Variants in FRY observed in about 807,000 individuals in gnomAD.
FRY encodes protein furry homolog.
A neutral mutation model predicts 348.4 loss-of-function variants in FRY; 128 were observed. That is an observed-to-expected ratio of 0.37 (90% confidence interval 0.32 to 0.43). The LOEUF (loss-of-function observed/expected upper bound fraction) is 0.43, where lower values mean the gene tolerates loss of function less well. Among genes scored for constraint, FRY ranks in the 20% least tolerant of loss-of-function variants. The probability of loss-of-function intolerance (pLI) is 1.00; values close to 1 mark genes in which losing one functional copy is unlikely to be tolerated. For missense variants in FRY, 2,736 were observed against 3,695.2 expected, an observed-to-expected ratio of 0.74 and a Z score of 6.73; for synonymous variants, 1,370 against 1,374.7, an observed-to-expected ratio of 1.00 and a Z score of 0.08.
intron 55 of FRY, among the ~76,000 whole-genome samples, chr13:32,274,362 A>G (rs994758482): frequency 6.6e-6 from 1 of 152,182 alleles, no homozygotes; most frequent in Non-Finnish European, 1.5e-5. Context: ...GCATACACAT[A>G]TTTTAAAACA....
At chr13:32,189,761 A>G (rs1418055022) in intron 28 of FRY, among the ~76,000 whole-genome samples, 1 of 152,106 alleles carries the variant, frequency 6.6e-6, no homozygotes, top group East Asian at 1.9e-4. Flanking sequence ...GAGAAAACAG[A>G]TGAAGAGGAA....
At chr13:32,097,585 T>G (rs1181105314) in intron 2 of FRY, among the ~76,000 whole-genome samples, 1 of 152,004 alleles carries the variant, frequency 6.6e-6, no homozygotes, top group East Asian at 1.9e-4. Flanking sequence ...GGTCTCGAAT[T>G]CCCAACATCA....
intron 47 of FRY, 135 bp downstream of exon 47, chr13:32,244,317 A>G: frequency 1.2e-6 from 1 of 819,430 alleles, no homozygotes; most frequent in South Asian, 1.4e-5. Context: ...CAGCCAGGGC[A>G]GTTAAGAGTG....
At chr13:32,102,377 A>G (rs1877224169) in intron 3 of FRY, among the ~76,000 whole-genome samples, 1 of 152,256 alleles carries the variant, frequency 6.6e-6, no homozygotes, top group African/African-American at 2.4e-5. Context: ...TGTGATGATC[A>G]GATCTCTGCA....
At position 32,239,295 on chromosome 13, in the gene FRY, G is replaced by GCCC; in HGVS notation, c.6463_6464insCCC (p.Gln2154_His2155insPro). 3.1e-6 allele frequency: 5 copies of GCCC among 1,612,262 alleles called. No individual in the cohort carries two copies. Among genetic ancestry groups the GCCC allele is most frequent in the Non-Finnish European group, 4.2e-6 (5 of 1,178,364 alleles). On this transcript the variant is annotated inframe_insertion, in exon 45 of 61. Coordinates refer to ENST00000542859, the MANE Select transcript of FRY (RefSeq NM_023037.3). The surrounding 1 kb of genome is among the most constrained non-coding windows in gnomAD (Gnocchi z 4.3). ...TGTGTCTCCTGCCTCAGCTGATTCA[G>GCCC]CATTTTGAAAATCCCAATCAGTTCT... is the stretch of plus-strand genomic sequence containing the variant.
chr13:32,035,899 G>A (rs1282361947), intron 1 of FRY, among the ~76,000 whole-genome samples: 1 of 152,194 alleles, frequency 6.6e-6, no homozygotes, highest in East Asian at 1.9e-4. Context: ...TCACTTAGGA[G>A]CATCAGATTC....
At chr13:32,197,692 TGGA>T (rs1241887294) in intron 29 of FRY, among the ~76,000 whole-genome samples, 1 of 152,258 alleles carries the variant, frequency 6.6e-6, no homozygotes, top group Non-Finnish European at 1.5e-5. Flanking sequence ...CAATAGTTGT[TGGA>T]GGAGAACAGC....
At chr13:32,235,402 T>C (rs1438320728) in intron 42 of FRY, among the ~76,000 whole-genome samples, 1 of 152,192 alleles carries the variant, frequency 6.6e-6, no homozygotes, top group Non-Finnish European at 1.5e-5. Flanking sequence ...GGCGGGCAGA[T>C]CACTTGAGGC....
chr13:32,197,570 C>T (rs1219184822), intron 29 of FRY, among the ~76,000 whole-genome samples: 4 of 152,150 alleles, frequency 2.6e-5, no homozygotes, highest in Non-Finnish European at 5.9e-5. Flanking sequence ...ACTGCAGTTG[C>T]CTACCCACTA....
At chr13:32,236,508 A>G (rs1052665803) in intron 43 of FRY, among the ~76,000 whole-genome samples, 1 of 152,152 alleles carries the variant, frequency 6.6e-6, no homozygotes, top group African/African-American at 2.4e-5. Flanking sequence ...TATTTATTAC[A>G]TTGGTAAAGA....
chr13:32,294,314 G>T, intron 59 of FRY, 54 bp from the exon 60 acceptor site: 2 of 1,280,384 alleles, frequency 1.6e-6, no homozygotes, highest in Admixed American at 1.8e-5. Context: ...CTTTTGGGAT[G>T]TAAAATTCCC....
At chr13:32,104,326 A>G (rs1877391190) in intron 3 of FRY, among the ~76,000 whole-genome samples, 1 of 152,206 alleles carries the variant, frequency 6.6e-6, no homozygotes, top group African/African-American at 2.4e-5. Context: ...AGTGTTGTCC[A>G]TGGATCTGTG....
chr13:32,228,992 G>A (rs1370514989), intron 40 of FRY, among the ~76,000 whole-genome samples: 1 of 152,134 alleles, frequency 6.6e-6, no homozygotes, highest in African/African-American at 2.4e-5. Flanking sequence ...GAGCTGCCAG[G>A]GGTTAGTAGT....
rs904465189 is a variant in FRY, at chr13:32,142,945, T to C, written c.1180-4337T>C. 3.3e-5 allele frequency among the ~76,000 whole-genome samples: 5 copies of C among 152,112 alleles called. No homozygotes were observed. In the South Asian group the frequency reaches 8.3e-4, roughly 25 times the overall value. ...GGTGCTTGGTAGCCTCTCCAGAGGATTGGGACAGGAGTAGAGGGGCAGGGG... is the reference window on the plus strand; with the variant it reads ...GGTGCTTGGTAGCCTCTCCAGAGGACTGGGACAGGAGTAGAGGGGCAGGGG... On this transcript the variant is annotated intron_variant, in intron 11 of 60. Transcript: ENST00000542859.
intron 55 of FRY, among the ~76,000 whole-genome samples, 188 bp from the exon 56 acceptor site, chr13:32,274,654 A>G (rs1227195666): frequency 7.3e-6 from 1 of 136,280 alleles, no homozygotes; most frequent in Non-Finnish European, 1.5e-5. Flanking sequence ...CAGTGAGCCG[A>G]GATCGCGCCA....
intron 3 of FRY, among the ~76,000 whole-genome samples, chr13:32,104,660 T>C (rs1306436833): frequency 1.3e-5 from 2 of 152,166 alleles, no homozygotes; most frequent in Non-Finnish European, 2.9e-5. Context: ...AGGCCTGATA[T>C]GGTTTGGCTG....
intron 2 of FRY, among the ~76,000 whole-genome samples, chr13:32,095,815 C>G (rs1286738813): frequency 6.6e-6 from 1 of 152,188 alleles, no homozygotes; most frequent in Non-Finnish European, 1.5e-5. Flanking sequence ...TTACAGGTCT[C>G]TTTTCTGAAG....
chr13:32,237,466 C>G lies in FRY; in HGVS notation c.5898C>G (p.Thr1966=). 1 of 1,614,040 alleles carries G rather than the reference C, an allele frequency of 6.2e-7. No homozygotes were observed. ...AACTAAACATGAACCCGGGAACCAC[C>G]AGCGGCAACACCGCAACTGCCGAAC... ...TGQLNMNPGT[T]SGNTATAERS... Residue 1966 remains threonine (T), a synonymous_variant, in exon 44 of 61, where the codon ACC becomes ACG. Coordinates refer to ENST00000542859, the MANE Select transcript of FRY (RefSeq NM_023037.3). The surrounding 1 kb of genome is among the most constrained non-coding windows in gnomAD (Gnocchi z 6.3).
At chr13:32,292,814 A>AAAT (rs1225084901) in intron 59 of FRY, among the ~76,000 whole-genome samples, 2 of 151,582 alleles carry the variant, frequency 1.3e-5, no homozygotes, top group Non-Finnish European at 2.9e-5. Context: ...ATAAATAAAT[A>AAAT]AATAAATAAA....
Sources: allele counts gnomAD v4.1 joint callset (sites outside exome capture counted in the v4.1 genomes callset), GRCh38; gene constraint gnomAD v4.1.1; non-coding constraint Gnocchi (gnomAD v3.1); transcripts MANE v1.5; gene names NCBI Gene and HGNC (gene_info 2026-07-23, HGNC 2026-07-21).